Variants in MTOR observed in about 807,000 individuals in gnomAD.
The protein encoded by MTOR is serine/threonine-protein kinase mTOR.
In MTOR, 70 loss-of-function variants were observed where a neutral mutation model predicts 319.8. That is an observed-to-expected ratio of 0.22 (90% CI 0.18 to 0.27). The LOEUF (loss-of-function observed/expected upper bound fraction) is 0.27. MTOR is among the 10% of genes least tolerant of loss of function. The pLI is 1.00. For missense variants in MTOR, 1,890 were observed against 3,274.4 expected, an observed-to-expected ratio of 0.58 and a Z score of 10.32; for synonymous variants, 1,183 against 1,211.4, an observed-to-expected ratio of 0.98 and a Z score of 0.49.
chr1:11,256,798 C>T, intron 4 of MTOR, 135 bp downstream of exon 4: 1 of 799,470 alleles, frequency 1.3e-6, no homozygotes, highest in Middle Eastern at 3.5e-4. Flanking sequence ...ACGGACTCTA[C>T]CCCATCTCAC....
intron 6 of MTOR, among the ~76,000 whole-genome samples, chr1:11,249,809 T>C (rs1368012075): frequency 6.7e-6 from 1 of 149,810 alleles, no homozygotes; most frequent in Non-Finnish European, 1.5e-5. Context: ...AAGTCTCCCA[T>C]GTCTACCTCT....
chr1:11,150,186 C>T lies in MTOR; in HGVS notation c.4510G>A (p.Val1504Ile), dbSNP rs2100537158. 6.2e-7 allele frequency: 1 copy of T among 1,614,098 alleles called. No individual in the cohort carries two copies. Among genetic ancestry groups the T allele is most frequent in the Non-Finnish European group, 8.5e-7 (1 of 1,180,004 alleles). Residue 1504 changes from valine to isoleucine, a missense_variant, in exon 31 of 58, where the codon GTT (valine) becomes ATT (isoleucine). Physicochemically the swap from Val to Ile is conservative, Grantham distance 29. Around this residue, in one of 15 missense-constraint regions of MTOR, gnomAD observed 276 missense variants for 459.4 expected, o/e 0.60. Coordinates refer to ENST00000361445, the MANE Select transcript of MTOR (RefSeq NM_004958.4). The part of the protein sequence containing the change: ...HQQCCEKWTL[V>I]NDETQAKMAR... ...ATCTTGGCTTGGGTCTCATCATTAA[C>T]CAGGGTCCACTTTTCACAGCACTGC...
chr1:11,167,393 C>CGGAGG (rs1644680854), intron 29 of MTOR, 49 bp downstream of exon 29: 1 of 1,487,370 alleles, frequency 6.7e-7, no homozygotes, highest in Non-Finnish European at 9.4e-7. Flanking sequence ...CAATAACTCC[C>CGGAGG]TAGCCAAGTC....
chr1:11,245,106 TAGA>T (rs764315010), intron 8 of MTOR, among the ~76,000 whole-genome samples: 3 of 152,226 alleles, frequency 2.0e-5, no homozygotes, highest in African/African-American at 4.8e-5. Flanking sequence ...TTATATTTAA[TAGA>T]AGAAGATTTA....
Position 11,228,744 on chromosome 1 carries a change from T to C in MTOR, c.2954A>G (p.Lys985Arg). ...ITFIFKSLGL[K>R]CVQFLPQVMP... ...GACCTGGGGCAGGAACTGCACACAT[T>C]TGAGTCCCAGGGACTTGAAGATGAA... The change falls in exon 19 of 58, where the codon AAA becomes AGA. Residue 985 changes from lysine to arginine, a missense_variant. Around this residue, in one of 15 missense-constraint regions of MTOR, gnomAD observed 377 missense variants for 653.9 expected, o/e 0.58. Coordinates refer to ENST00000361445, the MANE Select transcript of MTOR (RefSeq NM_004958.4). The C allele has an allele frequency of 6.2e-7, 1 of 1,614,142 alleles. No individual in the cohort carries two copies. The highest frequency in any genetic ancestry group is 8.5e-7 in the Non-Finnish European group (1 of 1,180,030).
intron 29 of MTOR, among the ~76,000 whole-genome samples, chr1:11,166,242 A>C (rs1345170627): frequency 2.6e-5 from 4 of 152,364 alleles, no homozygotes; most frequent in Non-Finnish European, 5.9e-5. Context: ...CAAAATTGAC[A>C]AATGGGATCT....
intron 28 of MTOR, among the ~76,000 whole-genome samples, chr1:11,196,291 A>C (rs1240078905): frequency 6.6e-6 from 1 of 152,198 alleles, no homozygotes; most frequent in Non-Finnish European, 1.5e-5. Flanking sequence ...GGGGCTAACC[A>C]AGTAAAAGTG....
At chr1:11,158,321 G>C (rs1167501317) in intron 29 of MTOR, among the ~76,000 whole-genome samples, 1 of 152,136 alleles carries the variant, frequency 6.6e-6, no homozygotes, top group Non-Finnish European at 1.5e-5. Flanking sequence ...AAATAAAACT[G>C]ATGTTTGTGC....
intron 14 of MTOR, 140 bp downstream of exon 14, chr1:11,234,003 G>A: frequency 1.7e-6 from 2 of 1,181,532 alleles, no homozygotes; most frequent in Non-Finnish European, 2.5e-6. Context: ...TGCTTGATAT[G>A]GCCCTTTGGT....
rs982130366 is a variant in MTOR at position 11,128,710 on chromosome 1, A to G, written c.5811+145T>C. The G allele has an allele frequency of 2.0e-6, 2 of 1,001,208 alleles. No homozygotes were observed. The highest frequency in any genetic ancestry group is 3.0e-6 in the Non-Finnish European group (2 of 667,164). 62.0% of individuals were successfully genotyped at this position (1,001,208 alleles called of 1,614,324 possible). On this transcript the variant is annotated intron_variant, in intron 41 of 57. Transcript: ENST00000361445. The surrounding 1 kb of genome is among the most constrained non-coding windows in gnomAD (Gnocchi z 5.3). ...CTAAAAGAAAATAAAGAAAATATGG[A>G]CACTTGACACTGGGACCGAGCCCTA...
rs2100288383 is a variant in MTOR at position 11,109,433 on chromosome 1, G to A, written c.7448-63C>T. The A allele has an allele frequency of 6.8e-7, 1 of 1,463,668 alleles. No individual in the cohort carries two copies. Among genetic ancestry groups the A allele is most frequent in the East Asian group, 2.3e-5 (1 of 44,150 alleles). 90.7% of individuals were successfully genotyped at this position (1,463,668 alleles called of 1,614,324 possible). A position where few individuals can be genotyped will look rare whatever the true frequency, so the allele number is the denominator to read the frequency against. ...GAGCAATACAACAGGTTCAATGGGT[G>A]CCCTGTTTTTCTCAAATATTCACTT... On this transcript the variant is annotated intron_variant, in intron 55 of 57. Transcript: ENST00000361445. The surrounding 1 kb of genome is among the most constrained non-coding windows in gnomAD (Gnocchi z 4.0).
intron 28 of MTOR, chr1:11,194,815 C>T (rs991369985): frequency 6.2e-7 from 1 of 1,610,404 alleles, no homozygotes; most frequent in Non-Finnish European, 8.5e-7. Flanking sequence ...TGGTCTATCA[C>T]AGTCAACTTA....
At chr1:11,226,080 G>C (rs1175043093) in intron 19 of MTOR, among the ~76,000 whole-genome samples, 1 of 152,114 alleles carries the variant, frequency 6.6e-6, no homozygotes, top group African/African-American at 2.4e-5. Context: ...TTTAATATAA[G>C]AATGCCAGCA....
intron 28 of MTOR, chr1:11,194,941 T>A (rs1645724494): frequency 6.2e-7 from 1 of 1,614,078 alleles, no homozygotes; most frequent in Non-Finnish European, 8.5e-7. Context: ...CTGGATGGCA[T>A]CACCTGGTAT....
At chr1:11,124,129 T>C (rs1350108775) in intron 47 of MTOR, among the ~76,000 whole-genome samples, 3 of 152,114 alleles carry the variant, frequency 2.0e-5, no homozygotes, top group Non-Finnish European at 4.4e-5. Flanking sequence ...GGGGTCTCTC[T>C]ATGTTGTTTA....
At chr1:11,206,050 A>T (rs1008470862) in intron 25 of MTOR, among the ~76,000 whole-genome samples, 7 of 152,220 alleles carry the variant, frequency 4.6e-5, no homozygotes, top group Non-Finnish European at 1.0e-4. Context: ...ATGTTACAAG[A>T]GACAAACTAA....
chr1:11,139,885 T>C (rs1570970938), intron 34 of MTOR, among the ~76,000 whole-genome samples: 2 of 151,702 alleles, frequency 1.3e-5, no homozygotes, highest in Admixed American at 6.6e-5. Flanking sequence ...AGAGACGGGG[T>C]TTCAGCATCT....
intron 21 of MTOR, 53 bp downstream of exon 21, chr1:11,213,346 G>C (rs2100796621): frequency 6.4e-7 from 1 of 1,572,298 alleles, no homozygotes; most frequent in Non-Finnish European, 8.6e-7. Context: ...TGATCACCCA[G>C]GGACTCAGAG....
chr1:11,259,348 A>ACGCT lies in MTOR; in HGVS notation c.58_61dup (p.Val21GlufsTer15). The ACGCT allele has an allele frequency of 6.2e-7, 1 of 1,609,842 alleles. No homozygotes were observed. Among genetic ancestry groups the ACGCT allele is most frequent in the Non-Finnish European group, 8.5e-7 (1 of 1,178,644 alleles). On this transcript the variant is annotated frameshift_variant, in exon 2 of 58. Transcript: ENST00000361445. LOFTEE classifies it high-confidence loss of function. ...TAGGCCACTGGCAAACTGCTGCAGGACGCTCACATTGCTAGATGTGGTGGC... is the reference window on the plus strand; with the variant it reads ...TAGGCCACTGGCAAACTGCTGCAGGACGCTCGCTCACATTGCTAGATGTGGTGGC...
Sources: gnomAD v4.1 joint callset for allele counts (sites outside exome capture counted in the v4.1 genomes callset) on GRCh38, gnomAD v4.1.1 for gene constraint, gnomAD v4.1.1 regional missense constraint, Gnocchi (gnomAD v3.1) non-coding constraint, MANE v1.5 for transcripts, NCBI Gene and HGNC (gene_info 2026-07-23, HGNC 2026-07-21) for gene names.